Variants in MXI1 observed in about 807,000 individuals in gnomAD.
The protein encoded by MXI1 is MAX interactor 1, dimerization protein, also known as max-interacting protein 1.
MXI1 carries 18 observed loss-of-function variants against 36.9 expected under a neutral mutation model. That is an observed-to-expected ratio of 0.49 (90% CI 0.34 to 0.72). The LOEUF (loss-of-function observed/expected upper bound fraction) is 0.72. Among genes scored for constraint, MXI1 ranks in the 30% least tolerant of loss-of-function variants. The pLI, the probability that MXI1 is intolerant of heterozygous loss-of-function variation, is 0.01. For missense variants in MXI1, 304 were observed against 379.1 expected (o/e 0.80, Z 1.64); for synonymous variants, 160 against 146.7 (o/e 1.09, Z -0.65).
At position 110,279,189 on chromosome 10, in the gene MXI1, T is replaced by C. The variant is rs745806746; in HGVS notation, c.447T>C (p.His149=). 8 of 1,613,938 alleles carry C rather than the reference T, an allele frequency of 5.0e-6. No individual in the cohort carries two copies. Among genetic ancestry groups the C allele is most frequent in the Non-Finnish European group, 6.8e-6 (8 of 1,179,760 alleles). Reference sequence around the variant, plus strand: ...TTTTTGTCTTTCTTAGACGAGCTCATCTGCGCCTTTGTTTAGAACGCTTAA... The same window carrying C: ...TTTTTGTCTTTCTTAGACGAGCTCACCTGCGCCTTTGTTTAGAACGCTTAA... The part of the protein sequence containing the change: ...HNELEKNRRA[H]LRLCLERLKV... The change falls in exon 4 of 6, where the codon CAT becomes CAC. Residue 149 remains histidine (H), a synonymous_variant. Coordinates refer to ENST00000332674, the MANE Select transcript of MXI1 (RefSeq NM_130439.3).
intron 3 of MXI1, among the ~76,000 whole-genome samples, chr10:110,265,594 T>G (rs1856653260): frequency 6.6e-6 from 1 of 152,152 alleles, no homozygotes; most frequent in Non-Finnish European, 1.5e-5. Flanking sequence ...TTATTAGACA[T>G]TGTGTGCTAG....
chr10:110,280,541 G>C (rs953969265), intron 5 of MXI1, among the ~76,000 whole-genome samples: 2 of 151,806 alleles, frequency 1.3e-5, no homozygotes, highest in Non-Finnish European at 2.9e-5. Context: ...TTAGACGGGC[G>C]TGGTGGCAGG....
intron 3 of MXI1, among the ~76,000 whole-genome samples, chr10:110,248,779 A>G (rs778973863): frequency 2.6e-5 from 4 of 152,008 alleles, no homozygotes; most frequent in African/African-American, 4.8e-5. Context: ...TACTCTCTCT[A>G]TTCCCTGAGG....
At chr10:110,232,956 A>G (rs1855328336) in intron 2 of MXI1, among the ~76,000 whole-genome samples, 1 of 152,222 alleles carries the variant, frequency 6.6e-6, no homozygotes, top group African/African-American at 2.4e-5. Context: ...ATAAAATAAT[A>G]CCAAACTTGC....
intron 1 of MXI1, among the ~76,000 whole-genome samples, chr10:110,224,517 G>A (rs114628981): frequency 1.3e-3 from 197 of 152,230 alleles, no homozygotes; most frequent in African/African-American, 4.6e-3. Context: ...GCTCCAAGGA[G>A]GAATTACCCA....
intron 1 of MXI1, among the ~76,000 whole-genome samples, chr10:110,224,666 A>T (rs1334718759): frequency 7.8e-6 from 1 of 128,782 alleles, no homozygotes; most frequent in Non-Finnish European, 1.6e-5. Context: ...TTTGAGACTG[A>T]GTCTTGCTCT....
chr10:110,220,403 C>A (rs1035704337), intron 1 of MXI1, among the ~76,000 whole-genome samples: 1 of 152,182 alleles, frequency 6.6e-6, no homozygotes, highest in Non-Finnish European at 1.5e-5. Flanking sequence ...ATCAGCTATA[C>A]CTTGGACAGG....
chr10:110,244,711 C>T lies in MXI1; in HGVS notation c.408-117C>T, dbSNP rs1352253877. ...GATGAGTGAGCTTGTAGAAGTCTGA[C>T]CATGTGTTGCATTGTTAAATAAATT... On this transcript the variant is annotated intron_variant, in intron 2 of 5. Coordinates refer to ENST00000332674, the MANE Select transcript of MXI1 (RefSeq NM_130439.3). The T allele has an allele frequency of 4.1e-6, 3 of 728,744 alleles. No homozygotes were observed. The African/African-American group carries it at 5.4e-5, about 13-fold the overall frequency. 45.1% of individuals were successfully genotyped at this position (728,744 alleles called of 1,614,324 possible). A position where few individuals can be genotyped will look rare whatever the true frequency, so the allele number is the denominator to read the frequency against.
intron 2 of MXI1, among the ~76,000 whole-genome samples, chr10:110,230,883 G>A (rs1413891577): frequency 6.6e-6 from 1 of 152,146 alleles, no homozygotes; most frequent in African/African-American, 2.4e-5. Context: ...AAGTATATAT[G>A]TCTTATTTTT....
At chr10:110,237,039 A>G (rs572622482) in intron 2 of MXI1, among the ~76,000 whole-genome samples, 63 of 152,338 alleles carry the variant, frequency 4.1e-4, no homozygotes, top group African/African-American at 1.4e-3. Context: ...GCTATTTTAA[A>G]TAGCAATTAA....
At chr10:110,283,417 C>T (rs1489996805) in intron 5 of MXI1, among the ~76,000 whole-genome samples, 2 of 152,086 alleles carry the variant, frequency 1.3e-5, no homozygotes, top group Non-Finnish European at 2.9e-5. Flanking sequence ...GCGCGTGCCA[C>T]CATGCCCAGC....
At chr10:110,212,610 G>A (rs1854539842) in intron 1 of MXI1, among the ~76,000 whole-genome samples, 1 of 152,158 alleles carries the variant, frequency 6.6e-6, no homozygotes, top group African/African-American at 2.4e-5. Flanking sequence ...GCAGTCACAT[G>A]GAGCAGGGCC....
chr10:110,237,783 T>C (rs977450023), intron 2 of MXI1, among the ~76,000 whole-genome samples: 17 of 152,160 alleles, frequency 1.1e-4, no homozygotes, highest in Admixed American at 9.2e-4. Context: ...TGCTACACTT[T>C]GTCTGTGTTT....
intron 1 of MXI1, chr10:110,226,305 G>T: frequency 6.7e-7 from 1 of 1,488,838 alleles, no homozygotes; most frequent in Non-Finnish European, 8.9e-7. Context: ...GCGCCGCTGC[G>T]TGAGCCCGAG....
chr10:110,283,265 T>TA (rs1206008823), intron 5 of MXI1, among the ~76,000 whole-genome samples: 5 of 49,442 alleles, frequency 1.0e-4, no homozygotes. Flanking sequence ...AAGAATCCAC[T>TA]TTTTTTTTTT....
chr10:110,211,612 G>A (rs545751934), intron 1 of MXI1, among the ~76,000 whole-genome samples: 1 of 152,202 alleles, frequency 6.6e-6, no homozygotes, highest in Non-Finnish European at 1.5e-5. Context: ...ACTGCTTTTC[G>A]TTCCCTTGTT....
chr10:110,247,504 GT>G (rs1429746993), intron 3 of MXI1, among the ~76,000 whole-genome samples: 1 of 152,226 alleles, frequency 6.6e-6, no homozygotes, highest in African/African-American at 2.4e-5. Context: ...TTCTTCTAGG[GT>G]TTTTATGGTT....
rs911606859 is a variant in MXI1 at position 110,283,785 on chromosome 10, TTTTTTA to T, written c.725-1032_725-1027del. On this transcript the variant is annotated intron_variant, in intron 5 of 5. Transcript: ENST00000332674. Reference sequence around the variant, plus strand: ...CTAGTATTTAACAATTAAGATTTTTTTTTTTATTTTTAAGAGACAGGGTCTCACTCT... The same window carrying T: ...CTAGTATTTAACAATTAAGATTTTTTTTTTTAAGAGACAGGGTCTCACTCT... Among the ~76,000 whole-genome samples, 53 of 152,058 alleles carry T rather than the reference TTTTTTA, an allele frequency of 3.5e-4. 1 individual carries two copies. Among genetic ancestry groups the T allele is most frequent in the African/African-American group, 9.9e-4 (41 of 41,472 alleles).
At chr10:110,267,204 A>C (rs1856700900) in intron 3 of MXI1, among the ~76,000 whole-genome samples, 1 of 152,248 alleles carries the variant, frequency 6.6e-6, no homozygotes, top group South Asian at 2.1e-4. Context: ...AGGCAGTCTT[A>C]ATACAATATG....
Sources: gnomAD v4.1 joint callset for allele counts (sites outside exome capture counted in the v4.1 genomes callset) on GRCh38, gnomAD v4.1.1 for gene constraint, MANE v1.5 for transcripts, NCBI Gene and HGNC (gene_info 2026-07-23, HGNC 2026-07-21) for gene names.